Variants in SLC26A8 observed in about 807,000 individuals in gnomAD.
SLC26A8 encodes the protein testis anion transporter 1.
SLC26A8 carries 70 observed loss-of-function variants against 105.0 expected under a neutral mutation model. That is an observed-to-expected ratio of 0.67 (90% CI 0.55 to 0.81). The LOEUF (loss-of-function observed/expected upper bound fraction) is 0.81, where lower values mean the gene tolerates loss of function less well. Ranked by LOEUF, SLC26A8 falls within the 40% of genes least tolerant of loss-of-function variation. SLC26A8 has a pLI of 0.00. For missense variants in SLC26A8, 998 were observed against 1,181.8 expected, an observed-to-expected ratio of 0.84 and a Z score of 2.28; for synonymous variants, 415 against 438.3, an observed-to-expected ratio of 0.95 and a Z score of 0.66.
In SLC26A8 at chr6:35,959,536, G is replaced by A. The variant is rs1191302600; in HGVS notation, c.1787C>T (p.Ser596Leu). The change falls in exon 16 of 20, where the codon TCA becomes TTA. Residue 596 changes from serine to leucine, a missense_variant. Ser to Leu is a moderately radical substitution (Grantham distance 145). Transcript: ENST00000490799. ...TCCTCCTTGTAGATTGGTGTCACTTGAATTAAACAAGCTGAAAATTTCTTC... is the reference window on the plus strand; with the variant it reads ...TCCTCCTTGTAGATTGGTGTCACTTAAATTAAACAAGCTGAAAATTTCTTC... ...KEEEIFSLFN[S>L]SDTNLQGGKI... The A allele has an allele frequency of 1.2e-6, 2 of 1,613,932 alleles. No homozygotes were observed. Among genetic ancestry groups the A allele is most frequent in the African/African-American group, 2.7e-5 (2 of 74,894 alleles).
At chr6:35,983,230 T>C (rs1237919136) in intron 7 of SLC26A8, among the ~76,000 whole-genome samples, 3 of 152,126 alleles carry the variant, frequency 2.0e-5, no homozygotes, top group Admixed American at 6.6e-5. Context: ...ACAGCTTGGA[T>C]CAGAGAAGAA....
intron 3 of SLC26A8, 50 bp from the exon 4 acceptor site, chr6:36,000,158 C>G (rs1341469532): frequency 8.3e-7 from 1 of 1,206,876 alleles, no homozygotes; most frequent in Non-Finnish European, 1.2e-6. Context: ...TAAAAGTCAC[C>G]TTAAATAAAA....
In SLC26A8 at chr6:35,951,303, C is replaced by T. The variant is rs1329228229; in HGVS notation, c.2332G>A (p.Gly778Ser). ...AGGAACAGCTGGGTCTTGGTGATGC[C>T]AGCGTCAAAGAAATCATTCCTCTCA... ...AFERNDFFDAGITKTQLFLSV... is the reference protein window; with the variant it reads ...AFERNDFFDASITKTQLFLSV... The change falls in exon 19 of 20, where the codon GGC (glycine) becomes AGC (serine). Residue 778 changes from glycine (G) to serine (S), a missense_variant. By Grantham distance (56) the Gly-to-Ser change is moderately conservative. Transcript: ENST00000490799. The T allele has an allele frequency of 6.2e-7, 1 of 1,614,082 alleles. No homozygotes were observed.
chr6:36,016,160 AT>A (rs1192435275), intron 2 of SLC26A8, among the ~76,000 whole-genome samples: 14 of 151,794 alleles, frequency 9.2e-5, no homozygotes, highest in Admixed American at 9.2e-4. Flanking sequence ...AGCCCAGCTA[AT>A]TTTTGTATTT....
At chr6:35,979,300 AC>A (rs1773177171) in intron 8 of SLC26A8, among the ~76,000 whole-genome samples, 1 of 151,882 alleles carries the variant, frequency 6.6e-6, no homozygotes, top group Non-Finnish European at 1.5e-5. Context: ...ACACGGTGAA[AC>A]CCCATCGCTA....
rs1037136041 is a variant in SLC26A8, at chr6:35,994,743, T to G, written c.628-2069A>C. Among the ~76,000 whole-genome samples the G allele has an allele frequency of 4.6e-5, 7 of 152,092 alleles. No homozygotes were observed. The East Asian group carries it at 1.2e-3, about 25-fold the overall frequency. On this transcript the variant is annotated intron_variant, in intron 5 of 19. Coordinates refer to ENST00000490799, the MANE Select transcript of SLC26A8 (RefSeq NM_052961.4). ...GGTGCCCAGCACCACGCCTGGCTAA[T>G]TTTTGTATTTTTAAGTAGAGACAGG...
chr6:35,959,943 C>T (rs749851943), intron 14 of SLC26A8, 137 bp from the exon 15 acceptor site: 22 of 693,172 alleles, frequency 3.2e-5, no homozygotes, highest in Non-Finnish European at 4.6e-5. Context: ...GAGTCTCACT[C>T]TGTTGCCCAG....
chr6:35,991,978 C>A (rs908124146), intron 6 of SLC26A8, among the ~76,000 whole-genome samples, 170 bp from the exon 7 acceptor site: 9 of 151,778 alleles, frequency 5.9e-5, no homozygotes, highest in African/African-American at 2.2e-4. Context: ...TGGGGGTGGC[C>A]AATTTTGTAA....
intron 8 of SLC26A8, among the ~76,000 whole-genome samples, chr6:35,979,213 C>A (rs939084162): frequency 1.3e-5 from 2 of 151,804 alleles, no homozygotes; most frequent in South Asian, 4.2e-4. Flanking sequence ...CACGGTGGCT[C>A]ACGCTTGTAA....
chr6:36,005,769 T>C (rs1761668069), intron 3 of SLC26A8, among the ~76,000 whole-genome samples: 1 of 152,228 alleles, frequency 6.6e-6, no homozygotes, highest in South Asian at 2.1e-4. Context: ...AAATCCTGTT[T>C]CTTAGTTTGC....
chr6:35,982,995 A>G (rs1407002312), intron 7 of SLC26A8, among the ~76,000 whole-genome samples: 2 of 152,266 alleles, frequency 1.3e-5, no homozygotes, highest in African/African-American at 4.8e-5. Context: ...GCGTCAATGC[A>G]GATTAAACCA....
intron 12 of SLC26A8, among the ~76,000 whole-genome samples, 182 bp from the exon 13 acceptor site, chr6:35,961,281 C>T (rs1772299473): frequency 6.6e-6 from 1 of 152,178 alleles, no homozygotes; most frequent in Non-Finnish European, 1.5e-5. Context: ...GGATGCCTAG[C>T]AATTCTTTTA....
intron 19 of SLC26A8, among the ~76,000 whole-genome samples, chr6:35,946,121 T>C (rs1465476642): frequency 2.6e-5 from 4 of 152,222 alleles, no homozygotes; most frequent in African/African-American, 9.7e-5. Context: ...ACCATCTATA[T>C]GCTGATGCTG....
intron 1 of SLC26A8, among the ~76,000 whole-genome samples, chr6:36,021,998 A>G (rs776125918): frequency 7.0e-6 from 1 of 143,068 alleles, no homozygotes; most frequent in Non-Finnish European, 1.5e-5. Context: ...GATGGAGTAC[A>G]GCTCTGTCAC....
At chr6:35,975,554 G>A (rs967086231) in intron 9 of SLC26A8, 66 bp from the exon 10 acceptor site, 6 of 882,786 alleles carry the variant, frequency 6.8e-6, no homozygotes, top group Non-Finnish European at 1.1e-5. Flanking sequence ...TTGAGTTGAA[G>A]GCATATGGTT....
chr6:35,985,521 C>T (rs138915706), intron 7 of SLC26A8, among the ~76,000 whole-genome samples: 1,965 of 151,618 alleles, frequency 0.013, 44 homozygotes, highest in African/African-American at 0.044. Context: ...GGTGAAACCC[C>T]ATCTCTACTA....
intron 3 of SLC26A8, among the ~76,000 whole-genome samples, chr6:36,006,423 C>T (rs1431657663): frequency 3.3e-5 from 5 of 152,110 alleles, no homozygotes; most frequent in African/African-American, 1.2e-4. Flanking sequence ...ACCAGTTATG[C>T]AATCATTTTT....
chr6:36,015,676 G>T (rs904804384), intron 2 of SLC26A8, among the ~76,000 whole-genome samples: 3 of 152,112 alleles, frequency 2.0e-5, no homozygotes, highest in Admixed American at 6.5e-5. Flanking sequence ...AGCCAATGTT[G>T]CCCCCAAATA....
At chr6:35,944,942 C>T (rs1048531141) in intron 19 of SLC26A8, among the ~76,000 whole-genome samples, 4 of 152,056 alleles carry the variant, frequency 2.6e-5, no homozygotes, top group Admixed American at 2.6e-4. Flanking sequence ...CTCTACTTCC[C>T]GAATTCAAGT....
Sources: gnomAD v4.1 joint callset for allele counts (sites outside exome capture counted in the v4.1 genomes callset) on GRCh38, gnomAD v4.1.1 for gene constraint, MANE v1.5 for transcripts, NCBI Gene and HGNC (gene_info 2026-07-23, HGNC 2026-07-21) for gene names.